ADARB1: variants seen among roughly 807,000 people sequenced by gnomAD.
ADARB1 encodes adenosine deaminase RNA specific B1.
Under a neutral mutation model 52.4 loss-of-function variants are expected in ADARB1, and 10 were observed. The observed-to-expected ratio is 0.19, with a 90% CI of 0.12 to 0.32. ADARB1 has a LOEUF of 0.32. ADARB1 is among the 10% of genes least tolerant of loss of function. The pLI, the probability that ADARB1 is intolerant of heterozygous loss-of-function variation, is 1.00. For missense variants in ADARB1, 643 were observed against 922.3 expected (o/e 0.70, Z 3.92); for synonymous variants, 349 against 371.1 (o/e 0.94, Z 0.68).
chr21:45,131,836 C>G (rs1184574581), intron 2 of ADARB1, among the ~76,000 whole-genome samples: 1 of 152,234 alleles, frequency 6.6e-6, no homozygotes, highest in Non-Finnish European at 1.5e-5. Context: ...TGGAGGTGCC[C>G]TCCCTGGGGT....
At chr21:45,218,030 A>G (rs1197984971) in intron 9 of ADARB1, among the ~76,000 whole-genome samples, 9 of 152,062 alleles carry the variant, frequency 5.9e-5, no homozygotes, top group Admixed American at 2.6e-4. Flanking sequence ...TTTGGTATAT[A>G]GTTTTATTCA....
At chr21:45,123,226 C>T (rs1467467059) in intron 1 of ADARB1, among the ~76,000 whole-genome samples, 3 of 152,080 alleles carry the variant, frequency 2.0e-5, no homozygotes, top group African/African-American at 7.2e-5. Flanking sequence ...CATGCTCCTC[C>T]CTGATGATAA....
At chr21:45,096,053 G>A (rs1362843708) in intron 1 of ADARB1, among the ~76,000 whole-genome samples, 1 of 152,234 alleles carries the variant, frequency 6.6e-6, no homozygotes, top group Non-Finnish European at 1.5e-5. Flanking sequence ...AGCAACTGGA[G>A]AAAGTGGCTG....
chr21:45,143,951 C>CTT (rs553824159), intron 2 of ADARB1, among the ~76,000 whole-genome samples: 1 of 151,548 alleles, frequency 6.6e-6, no homozygotes, highest in African/African-American at 2.4e-5. Flanking sequence ...TGTCAGTTGT[C>CTT]TTTTTTTTTC....
intron 1 of ADARB1, among the ~76,000 whole-genome samples, chr21:45,095,477 C>T (rs1286040566): frequency 6.6e-6 from 1 of 152,220 alleles, no homozygotes; most frequent in Non-Finnish European, 1.5e-5. Flanking sequence ...TGGTGTGGGG[C>T]TGGGACAGGG....
At chr21:45,147,061 T>TA (rs796382836) in intron 2 of ADARB1, among the ~76,000 whole-genome samples, 18 of 152,350 alleles carry the variant, frequency 1.2e-4, no homozygotes, top group African/African-American at 4.3e-4. Context: ...GCTCACCTGG[T>TA]GACTAGGTCT....
At chr21:45,203,514 G>A (rs2092605416) in intron 8 of ADARB1, among the ~76,000 whole-genome samples, 3 of 152,188 alleles carry the variant, frequency 2.0e-5, no homozygotes, top group Admixed American at 2.0e-4. Flanking sequence ...GGGTGCTCCA[G>A]ACACAGCAAC....
chr21:45,105,234 G>T (rs1029112153), intron 1 of ADARB1, among the ~76,000 whole-genome samples: 1 of 152,102 alleles, frequency 6.6e-6, no homozygotes, highest in Non-Finnish European at 1.5e-5. Flanking sequence ...CCAAGTAGCT[G>T]GGATTACAGG....
At chr21:45,115,163 C>G (rs756813562) in intron 1 of ADARB1, among the ~76,000 whole-genome samples, 3 of 152,142 alleles carry the variant, frequency 2.0e-5, no homozygotes, top group Non-Finnish European at 4.4e-5. Context: ...ATTCCTTTAC[C>G]CCAGAAATGC....
At chr21:45,089,946 C>T (rs2086497890) in intron 1 of ADARB1, among the ~76,000 whole-genome samples, 1 of 152,152 alleles carries the variant, frequency 6.6e-6, no homozygotes, top group Non-Finnish European at 1.5e-5. Context: ...TGGTACTGTG[C>T]TGAGTGTAGT....
At chr21:45,214,353 G>A (rs1222062931) in intron 9 of ADARB1, among the ~76,000 whole-genome samples, 3 of 152,112 alleles carry the variant, frequency 2.0e-5, no homozygotes, top group Admixed American at 2.0e-4. Flanking sequence ...TCTCTTCATA[G>A]TGTCTTACGC....
chr21:45,119,886 G>C (rs1407385425), intron 1 of ADARB1, among the ~76,000 whole-genome samples: 1 of 152,238 alleles, frequency 6.6e-6, no homozygotes, highest in Non-Finnish European at 1.5e-5. Context: ...AAAAGCAAGA[G>C]TGTTGGTAAT....
intron 1 of ADARB1, among the ~76,000 whole-genome samples, chr21:45,103,774 G>A (rs890122903): frequency 6.6e-6 from 1 of 152,056 alleles, no homozygotes; most frequent in African/African-American, 2.4e-5. Context: ...TGTCACATCT[G>A]CTCAATTTTT....
chr21:45,074,849 G>C (rs2085848686), intron 1 of ADARB1, 56 bp downstream of exon 1: 2 of 148,892 alleles, frequency 1.3e-5, no homozygotes, highest in Admixed American at 6.7e-5. Flanking sequence ...CGGACCCCGC[G>C]GTGGCGGCGT....
chr21:45,193,447 A>G (rs1482839783), intron 8 of ADARB1, among the ~76,000 whole-genome samples: 1 of 152,056 alleles, frequency 6.6e-6, no homozygotes, highest in Non-Finnish European at 1.5e-5. Flanking sequence ...CTTAACAGGG[A>G]AGGACTGAAT....
At chr21:45,139,933 CTTTTTTTTTTTTT>C (rs200847132) in intron 2 of ADARB1, among the ~76,000 whole-genome samples, 4 of 84,972 alleles carry the variant, frequency 4.7e-5, no homozygotes, top group East Asian at 3.0e-4. Context: ...CAATAAAACT[CTTTTTTTTTTTTT>C]TTTTTTTTTT....
chr21:45,136,664 C>G lies in ADARB1; in HGVS notation c.-48+8091C>G, dbSNP rs900469518. Among the ~76,000 whole-genome samples the G allele has an allele frequency of 9.8e-5, 15 of 152,342 alleles. No individual in the cohort carries two copies. In the South Asian group the frequency reaches 2.9e-3, roughly 29 times the overall value. ...CGGGGGTAGAAAACAGTAGAGCTGC[C>G]CCACCAGCCAGCGGCTGCTGGGAGA... On this transcript the variant is annotated intron_variant, in intron 2 of 10. Coordinates refer to ENST00000348831, the MANE Select transcript of ADARB1 (RefSeq NM_001112.4).
chr21:45,092,486 A>T (rs1330589856), intron 1 of ADARB1, among the ~76,000 whole-genome samples: 3 of 152,180 alleles, frequency 2.0e-5, no homozygotes, highest in Non-Finnish European at 4.4e-5. Flanking sequence ...TCTTACCTTC[A>T]GGTAACAGTT....
At chr21:45,177,132 T>C (rs1196479699) in intron 4 of ADARB1, 1 of 158,720 alleles carries the variant, frequency 6.3e-6, no homozygotes, top group Non-Finnish European at 1.4e-5. Flanking sequence ...AAAACCCAAG[T>C]CTGGGTCAAG....
Sources: gnomAD v4.1 joint callset for allele counts (sites outside exome capture counted in the v4.1 genomes callset) on GRCh38, gnomAD v4.1.1 for gene constraint, MANE v1.5 for transcripts, NCBI Gene and HGNC (gene_info 2026-07-23, HGNC 2026-07-21) for gene names.